The following GRM7 variants were observed in gnomAD, a reference collection of about 807,000 sequenced individuals.
GRM7 encodes the protein glutamate metabotropic receptor 7.
In GRM7, 35 loss-of-function variants were observed where a neutral mutation model predicts 84.5. That is an observed-to-expected ratio of 0.41 (90% CI 0.32 to 0.55). The LOEUF (loss-of-function observed/expected upper bound fraction) is 0.55, where lower values mean the gene tolerates loss of function less well. Ranked by LOEUF, GRM7 falls within the 20% of genes least tolerant of loss-of-function variation. The pLI, the probability that GRM7 is intolerant of heterozygous loss-of-function variation, is 0.19. For missense variants in GRM7, 1,003 were observed against 1,194.6 expected (o/e 0.84, Z 2.36); for synonymous variants, 487 against 455.1 (o/e 1.07, Z -0.89).
intron 8 of GRM7, among the ~76,000 whole-genome samples, chr3:7,648,132 C>T (rs1229980175): frequency 6.6e-6 from 1 of 152,038 alleles, no homozygotes; most frequent in Non-Finnish European, 1.5e-5. Context: ...GTATCTAAAG[C>T]TTTCATTCTT....
chr3:7,185,925 T>C (rs751478632), intron 2 of GRM7, among the ~76,000 whole-genome samples: 1 of 152,232 alleles, frequency 6.6e-6, no homozygotes, highest in African/African-American at 2.4e-5. Context: ...CAAATTTTGT[T>C]TGTAAGCTCA....
intron 8 of GRM7, among the ~76,000 whole-genome samples, chr3:7,620,958 G>T (rs991421705): frequency 1.6e-4 from 24 of 152,048 alleles, no homozygotes; most frequent in African/African-American, 5.5e-4. Flanking sequence ...AGAAAAGCCT[G>T]CCATAGAGGA....
intron 2 of GRM7, among the ~76,000 whole-genome samples, chr3:7,195,008 C>A (rs1240692797): frequency 1.3e-5 from 2 of 152,038 alleles, no homozygotes; most frequent in African/African-American, 4.8e-5. Context: ...ATCCCAGAGG[C>A]CAGAACAAGG....
At chr3:7,051,251 C>A (rs2124955019) in intron 1 of GRM7, among the ~76,000 whole-genome samples, 1 of 151,830 alleles carries the variant, frequency 6.6e-6, no homozygotes, top group East Asian at 1.9e-4. Flanking sequence ...CGTTCAAACT[C>A]TTTTCTCATT....
At chr3:7,044,888 T>C (rs1427674056) in intron 1 of GRM7, among the ~76,000 whole-genome samples, 1 of 152,206 alleles carries the variant, frequency 6.6e-6, no homozygotes, top group East Asian at 1.9e-4. Context: ...GTGTTTATTT[T>C]ATCCTGCTCA....
chr3:7,262,871 T>C (rs1319781457), intron 2 of GRM7, among the ~76,000 whole-genome samples: 1 of 152,160 alleles, frequency 6.6e-6, no homozygotes, highest in Non-Finnish European at 1.5e-5. Flanking sequence ...CTAATTTTTG[T>C]ATTTATAGTA....
intron 1 of GRM7, among the ~76,000 whole-genome samples, chr3:6,869,921 GA>G (rs1208947677): frequency 1.3e-5 from 2 of 151,970 alleles, no homozygotes; most frequent in Admixed American, 6.6e-5. Flanking sequence ...TTTTTTCCTA[GA>G]AATACTTATT....
At chr3:7,038,552 C>T (rs1245199302) in intron 1 of GRM7, among the ~76,000 whole-genome samples, 6 of 152,142 alleles carry the variant, frequency 3.9e-5, no homozygotes, top group Non-Finnish European at 8.8e-5. Context: ...TAGGAAAATA[C>T]TCACTGGGTA....
chr3:6,911,508 C>G lies in GRM7; in HGVS notation c.519+49601C>G, dbSNP rs1373598581. Reference sequence around the variant, plus strand: ...TTTTCTGTGTATATATGCAAATACACATATGCATGTTTCAGAAGTTATTAT... The same window carrying G: ...TTTTCTGTGTATATATGCAAATACAGATATGCATGTTTCAGAAGTTATTAT... On this transcript the variant is annotated intron_variant, in intron 1 of 9. Coordinates refer to ENST00000357716, the MANE Select transcript of GRM7 (RefSeq NM_000844.4). Among the ~76,000 whole-genome samples the G allele has an allele frequency of 4.1e-4, 63 of 152,034 alleles. 2 individuals carry two copies. The highest frequency in any genetic ancestry group is 4.1e-3 in the Admixed American group (63 of 15,234).
chr3:7,280,228 T>C (rs1699208999), intron 2 of GRM7, among the ~76,000 whole-genome samples: 1 of 152,210 alleles, frequency 6.6e-6, no homozygotes, highest in African/African-American at 2.4e-5. Context: ...AAAGGTAGCA[T>C]GTTGAGCTGG....
chr3:7,428,016 A>G (rs1696681381), intron 5 of GRM7, among the ~76,000 whole-genome samples: 1 of 152,226 alleles, frequency 6.6e-6, no homozygotes. Flanking sequence ...AATGATGTGC[A>G]AAACATTTAG....
intron 7 of GRM7, among the ~76,000 whole-genome samples, chr3:7,498,111 C>T (rs1279213477): frequency 6.6e-6 from 1 of 152,136 alleles, no homozygotes; most frequent in Non-Finnish European, 1.5e-5. Flanking sequence ...ACAAAAATAG[C>T]CTGTTGGGGT....
chr3:7,235,038 C>A (rs991261558), intron 2 of GRM7, among the ~76,000 whole-genome samples: 6 of 152,088 alleles, frequency 3.9e-5, no homozygotes, highest in African/African-American at 1.4e-4. Context: ...CCTTTTGATA[C>A]CTAATTATTA....
chr3:6,905,756 C>CAA (rs1696552741), intron 1 of GRM7, among the ~76,000 whole-genome samples: 1 of 151,862 alleles, frequency 6.6e-6, no homozygotes, highest in African/African-American at 2.4e-5. Context: ...TGGCCTTGGT[C>CAA]AAAAAAAGAT....
At chr3:7,633,798 C>A (rs1342869928) in intron 8 of GRM7, among the ~76,000 whole-genome samples, 1 of 152,106 alleles carries the variant, frequency 6.6e-6, no homozygotes, top group Non-Finnish European at 1.5e-5. Context: ...ACAAATCAGA[C>A]CCGTTCAAGC....
chr3:6,874,406 G>A (rs965040420), intron 1 of GRM7, among the ~76,000 whole-genome samples: 2 of 152,108 alleles, frequency 1.3e-5, no homozygotes, highest in African/African-American at 4.8e-5. Context: ...AGCCAGCTCC[G>A]GGCAGGCCAC....
In GRM7 at chr3:7,384,541, T is replaced by C. The variant is rs1336796898; in HGVS notation, c.1034-30482T>C. On this transcript the variant is annotated intron_variant, in intron 4 of 9. Coordinates refer to ENST00000357716, the MANE Select transcript of GRM7 (RefSeq NM_000844.4). The stretch of plus-strand genomic sequence containing the variant: ...TAAATAGGTGAAATTAAGTTTATAA[T>C]ATATTTTATTTAACCCAATGTATCC... 5.6e-4 allele frequency among the ~76,000 whole-genome samples: 85 copies of C among 152,334 alleles called. 1 individual carries two copies. The highest frequency in any genetic ancestry group is 2.8e-4 in the Non-Finnish European group (19 of 68,036).
chr3:7,240,591 A>G (rs1022140730), intron 2 of GRM7, among the ~76,000 whole-genome samples: 16 of 152,168 alleles, frequency 1.1e-4, no homozygotes, highest in African/African-American at 3.9e-4. Context: ...TCAAACCTGA[A>G]ATATTCATCT....
Position 7,173,708 on chromosome 3 carries a change from C to G in GRM7, c.736+27040C>G, listed in dbSNP as rs879037542. ...CCTAAAATACTCTCCTAGGCGTCCC[C>G]AGCCCCACCCCACATTCATTTACTC... On this transcript the variant is annotated intron_variant, in intron 2 of 9. Transcript: ENST00000357716. Among the ~76,000 whole-genome samples the G allele has an allele frequency of 2.0e-5, 3 of 152,110 alleles. 1 individual carries two copies. The highest frequency in any genetic ancestry group is 2.0e-4 in the Admixed American group (3 of 15,264).
Sources: allele counts gnomAD v4.1 joint callset (sites outside exome capture counted in the v4.1 genomes callset), GRCh38; gene constraint gnomAD v4.1.1; transcripts MANE v1.5; gene names NCBI Gene and HGNC (gene_info 2026-07-23, HGNC 2026-07-21).